RXRA: variants seen among roughly 807,000 people sequenced by gnomAD.
RXRA encodes retinoid X receptor alpha.
RXRA carries 5 observed loss-of-function variants against 44.5 expected under a neutral mutation model. The observed-to-expected ratio is 0.11, with a 90% confidence interval of 0.06 to 0.24. The LOEUF is 0.24. RXRA is among the 10% of genes least tolerant of loss of function. The pLI, the probability that RXRA is intolerant of heterozygous loss-of-function variation, is 1.00. For synonymous variants in RXRA, 291 were observed against 271.4 expected, an observed-to-expected ratio of 1.07 and a Z score of -0.71; for missense variants, 412 against 646.5, an observed-to-expected ratio of 0.64 and a Z score of 3.93.
At position 134,429,104 on chromosome 9, in the gene RXRA, C is replaced by G. The variant is rs752953752; in HGVS notation, c.911-4C>G. The G allele has an allele frequency of 2.5e-6, 4 of 1,612,948 alleles. No individual in the cohort carries two copies. The highest frequency in any genetic ancestry group is 2.5e-6 in the Non-Finnish European group (3 of 1,179,954). On this transcript the variant is annotated splice_region_variant and splice_polypyrimidine_tract_variant and intron_variant, in intron 6 of 9. Coordinates refer to ENST00000481739, the MANE Select transcript of RXRA (RefSeq NM_002957.6). ...AGCTGAGTGACTGTGTGCCTCCTCC[C>G]CAGGCTGGAATGAGCTGCTCATCGC...
chr9:134,390,801 C>T (rs959834749), intron 1 of RXRA, among the ~76,000 whole-genome samples: 4 of 152,274 alleles, frequency 2.6e-5, no homozygotes, highest in Non-Finnish European at 2.9e-5. Flanking sequence ...TGCAGATGCC[C>T]CGCCAGTCAG....
At position 134,390,666 on chromosome 9, in the gene RXRA, C is replaced by T. The variant is rs556456983; in HGVS notation, c.29-10966C>T. Among the ~76,000 whole-genome samples, 6 of 152,324 alleles carry T rather than the reference C, an allele frequency of 3.9e-5. No homozygotes were observed. In the East Asian group the frequency reaches 7.7e-4, roughly 20 times the overall value. On this transcript the variant is annotated intron_variant, in intron 1 of 9. Transcript: ENST00000481739. ...CTGGGCTGGTGTCGTTGAGCTCCGC[C>T]GCAGCCCTGGGAGTGGCAGAGGCAG...
At chr9:134,356,438 C>T (rs777421001) in intron 1 of RXRA, among the ~76,000 whole-genome samples, 4 of 152,032 alleles carry the variant, frequency 2.6e-5, no homozygotes, top group South Asian at 2.1e-4. Flanking sequence ...CTGGCCGGGC[C>T]GGGGAGCCAG....
chr9:134,391,039 G>A (rs967648309), intron 1 of RXRA, among the ~76,000 whole-genome samples: 4 of 152,088 alleles, frequency 2.6e-5, no homozygotes, highest in African/African-American at 4.8e-5. Flanking sequence ...GCGTGGCCCC[G>A]GTGGCCATGC....
intron 2 of RXRA, chr9:134,403,832 G>A (rs1200473677): frequency 6.6e-6 from 1 of 152,308 alleles, no homozygotes; most frequent in Non-Finnish European, 1.5e-5. Flanking sequence ...TGACATTGGC[G>A]AGGTCCCCGG....
chr9:134,351,657 T>C (rs1830222959), intron 1 of RXRA, among the ~76,000 whole-genome samples: 1 of 152,230 alleles, frequency 6.6e-6, no homozygotes, highest in Non-Finnish European at 1.5e-5. Flanking sequence ...TTCTTGATAA[T>C]GGAGCTGCGT....
chr9:134,363,148 G>T (rs956530535), intron 1 of RXRA, among the ~76,000 whole-genome samples: 6 of 152,180 alleles, frequency 3.9e-5, no homozygotes, highest in African/African-American at 1.4e-4. Flanking sequence ...TGTGCCATGT[G>T]CCCTGTGCCT....
rs1258357952 is a variant in RXRA, at chr9:134,436,487, G to A, written c.1262G>A (p.Arg421His). 1.2e-6 allele frequency: 2 copies of A among 1,614,058 alleles called. No individual in the cohort carries two copies. The highest frequency in any genetic ancestry group is 8.5e-7 in the Non-Finnish European group (1 of 1,180,028). The change falls in exon 10 of 10, where the codon CGC becomes CAC. Residue 421 changes from arginine (R) to histidine (H), a missense_variant. This residue lies in a region of RXRA where 141 missense variants were observed against 270.8 expected (regional missense o/e 0.52). Transcript: ENST00000481739. ...QPGRFAKLLL[R>H]LPALRSIGLK... ...TGCAGGTTCGCTAAGCTCTTGCTCC[G>A]CCTGCCGGCTCTGCGCTCCATCGGG...
chr9:134,354,571 C>T (rs1830260564), intron 1 of RXRA, among the ~76,000 whole-genome samples: 1 of 152,168 alleles, frequency 6.6e-6, no homozygotes, highest in African/African-American at 2.4e-5. Flanking sequence ...ATCAGATCGG[C>T]AGCCGTGGGG....
At position 134,326,542 on chromosome 9, in the gene RXRA, G is replaced by A. The variant is rs1345936927; in HGVS notation, c.-90G>A. On this transcript the variant is annotated 5_prime_UTR_variant, in exon 1 of 10. Coordinates refer to ENST00000481739, the MANE Select transcript of RXRA (RefSeq NM_002957.6). ...CCGCCACCGCAGCCGCCGGCTCCCC[G>A]CCGCCCGGGCCCGGGCCGGCCGCGC... 1 of 201,506 alleles carries A rather than the reference G, an allele frequency of 5.0e-6. No homozygotes were observed. Among genetic ancestry groups the A allele is most frequent in the Non-Finnish European group, 8.5e-6 (1 of 118,106 alleles). 12.5% of individuals were successfully genotyped at this position (201,506 alleles called of 1,614,324 possible).
intron 1 of RXRA, among the ~76,000 whole-genome samples, chr9:134,367,655 G>A (rs1032700653): frequency 6.6e-6 from 1 of 152,230 alleles, no homozygotes; most frequent in African/African-American, 2.4e-5. Context: ...CCCTTTGTGG[G>A]GGCCTCAACT....
chr9:134,432,061 C>T, intron 8 of RXRA, 65 bp downstream of exon 8: 1 of 1,290,572 alleles, frequency 7.7e-7, no homozygotes, highest in Non-Finnish European at 1.1e-6. Flanking sequence ...GCCTGGGCCT[C>T]CTCCTGGCTG....
chr9:134,361,979 G>A (rs1211172867), intron 1 of RXRA, among the ~76,000 whole-genome samples: 2 of 152,170 alleles, frequency 1.3e-5, no homozygotes, highest in African/African-American at 2.4e-5. Context: ...GCCGGGCTCC[G>A]GTCCTCCCCT....
intron 1 of RXRA, among the ~76,000 whole-genome samples, chr9:134,327,823 G>T (rs1554746216): frequency 1.3e-5 from 2 of 152,198 alleles, no homozygotes; most frequent in African/African-American, 4.8e-5. Context: ...CAGGTGTGCT[G>T]CCCCGTGACC....
rs903960521 is a variant in RXRA at position 134,426,037 on chromosome 9, A to G, written c.911-3071A>G. 2 of 985,430 alleles carry G rather than the reference A, an allele frequency of 2.0e-6. No homozygotes were observed. Among genetic ancestry groups the G allele is most frequent in the Non-Finnish European group, 1.2e-6 (1 of 829,926 alleles). 61.0% of individuals were successfully genotyped at this position (985,430 alleles called of 1,614,324 possible). The stretch of plus-strand genomic sequence containing the variant: ...TGTCCAGGGGTCCTGCAACCCCAGC[A>G]GAGGCCCTGAGCGTTTGGGCAGGGC... On this transcript the variant is annotated intron_variant, in intron 6 of 9. Coordinates refer to ENST00000481739, the MANE Select transcript of RXRA (RefSeq NM_002957.6). The surrounding 1 kb of genome is among the most constrained non-coding windows in gnomAD (Gnocchi z 4.6).
intron 1 of RXRA, among the ~76,000 whole-genome samples, chr9:134,333,090 C>A (rs1835031490): frequency 6.6e-6 from 1 of 152,148 alleles, no homozygotes; most frequent in Non-Finnish European, 1.5e-5. Flanking sequence ...AGCAGCCGGG[C>A]CTCTTGGGGC....
intron 1 of RXRA, chr9:134,380,096 G>A (rs1830619554): frequency 1.0e-6 from 1 of 985,500 alleles, no homozygotes; most frequent in Non-Finnish European, 1.2e-6. Flanking sequence ...GTCGTGGTCA[G>A]TCGTGCCGCC....
chr9:134,405,978 C>T (rs1309719236), intron 2 of RXRA: 1 of 152,328 alleles, frequency 6.6e-6, no homozygotes, highest in African/African-American at 2.4e-5. Context: ...GGCCCTGGCC[C>T]ATCTCCTCCA....
chr9:134,398,843 C>T (rs929991236), intron 1 of RXRA, among the ~76,000 whole-genome samples: 4 of 152,380 alleles, frequency 2.6e-5, no homozygotes, highest in South Asian at 2.1e-4. Flanking sequence ...TTCCAAGGCC[C>T]GGCTTCTGAA....
Sources: allele counts gnomAD v4.1 joint callset (sites outside exome capture counted in the v4.1 genomes callset), GRCh38; gene constraint gnomAD v4.1.1; regional missense constraint gnomAD v4.1.1; non-coding constraint Gnocchi (gnomAD v3.1); transcripts MANE v1.5; gene names NCBI Gene and HGNC (gene_info 2026-07-23, HGNC 2026-07-21).